Variants in WDPCP observed in about 807,000 individuals in gnomAD.
WDPCP encodes the protein WD repeat containing planar cell polarity effector.
A neutral mutation model predicts 93.1 loss-of-function variants in WDPCP; 71 were observed. The ratio of observed to expected loss-of-function variants is 0.76; its 90% CI spans 0.63 to 0.93. WDPCP has a LOEUF of 0.93. Among genes scored for constraint, WDPCP ranks in the 40% least tolerant of loss-of-function variants. The probability of loss-of-function intolerance (pLI) is 0.00; values close to 1 mark genes in which losing one functional copy is unlikely to be tolerated. For synonymous variants in WDPCP, 315 were observed against 315.0 expected, an observed-to-expected ratio of 1.00 and a Z score of 0.00; for missense variants, 844 against 887.4, an observed-to-expected ratio of 0.95 and a Z score of 0.62.
intron 1 of WDPCP, among the ~76,000 whole-genome samples, chr2:63,816,711 T>C (rs1217759798): frequency 6.6e-6 from 1 of 152,196 alleles, no homozygotes; most frequent in Admixed American, 6.5e-5. Flanking sequence ...TTTGTAGTCA[T>C]TTGTTAAGGC....
At chr2:63,266,027 A>T (rs1682083702) in intron 13 of WDPCP, among the ~76,000 whole-genome samples, 1 of 152,210 alleles carries the variant, frequency 6.6e-6, no homozygotes, top group African/African-American at 2.4e-5. Context: ...AAGGCCATAT[A>T]TGATAAGCCC....
intron 1 of WDPCP, among the ~76,000 whole-genome samples, chr2:63,548,773 G>T (rs1705344665): frequency 6.6e-6 from 1 of 151,704 alleles, no homozygotes; most frequent in Admixed American, 6.6e-5. Context: ...AGGATTACAG[G>T]CATGAGCCAT....
intron 12 of WDPCP, among the ~76,000 whole-genome samples, chr2:63,340,510 T>C (rs1183828726): frequency 6.6e-6 from 1 of 152,220 alleles, no homozygotes; most frequent in Non-Finnish European, 1.5e-5. Context: ...ATGATGCTTC[T>C]TGTGGATTAA....
At chr2:63,721,865 G>C (rs1047713477) in intron 2 of WDPCP, among the ~76,000 whole-genome samples, 5 of 152,216 alleles carry the variant, frequency 3.3e-5, no homozygotes, top group Middle Eastern at 3.4e-3. Flanking sequence ...TCAGCCTGCC[G>C]AGTGCCTGCG....
At position 63,313,306 on chromosome 2, in the gene WDPCP, T is replaced by C. The variant is rs1686322103; in HGVS notation, c.1754A>G (p.Gln585Arg). Reference protein sequence around the residue: ...RRFFHHLLRYQRFEKAFLLAV... With the variant: ...RRFFHHLLRYRRFEKAFLLAV... ...TAGGAGAAATGCCTTTTCAAACCTCTGGTACCTACAAGGCAGAAAAAAATA... is the reference window on the plus strand; with the variant it reads ...TAGGAGAAATGCCTTTTCAAACCTCCGGTACCTACAAGGCAGAAAAAAATA... Residue 585 changes from glutamine (Q) to arginine (R), a missense_variant, in exon 13 of 18, where the codon CAG becomes CGG. Coordinates refer to ENST00000272321, the MANE Select transcript of WDPCP (RefSeq NM_015910.7). 1.9e-6 allele frequency: 3 copies of C among 1,613,476 alleles called. No individual in the cohort carries two copies. The highest frequency in any genetic ancestry group is 2.5e-6 in the Non-Finnish European group (3 of 1,179,566).
At chr2:63,468,428 G>A (rs139754900) in intron 6 of WDPCP, among the ~76,000 whole-genome samples, 2 of 152,148 alleles carry the variant, frequency 1.3e-5, no homozygotes, top group Non-Finnish European at 2.9e-5. Context: ...GCTGTTTACT[G>A]TCTTACCTCC....
At position 63,378,521 on chromosome 2, in the gene WDPCP, A is replaced by C. The variant is rs1014640074; in HGVS notation, c.1625-12T>G. Reference sequence around the variant, plus strand: ...TGTCTCAAGCTGTGCTGTGGAATTCAAACATAGCAGCACTAAAACAAGTGA... The same window carrying C: ...TGTCTCAAGCTGTGCTGTGGAATTCCAACATAGCAGCACTAAAACAAGTGA... On this transcript the variant is annotated splice_polypyrimidine_tract_variant and intron_variant, in intron 11 of 17. Coordinates refer to ENST00000272321, the MANE Select transcript of WDPCP (RefSeq NM_015910.7). 4.3e-6 allele frequency: 7 copies of C among 1,612,980 alleles called. No homozygotes were observed. The South Asian group carries it at 5.5e-5, about 13-fold the overall frequency.
At chr2:63,151,326 G>A (rs1208949339) in intron 17 of WDPCP, among the ~76,000 whole-genome samples, 1 of 152,178 alleles carries the variant, frequency 6.6e-6, no homozygotes, top group Non-Finnish European at 1.5e-5. Context: ...CTGGGCTCAA[G>A]TGATCTTCCC....
intron 14 of WDPCP, among the ~76,000 whole-genome samples, chr2:63,258,316 G>C (rs187396855): frequency 6.6e-6 from 1 of 152,128 alleles, no homozygotes; most frequent in South Asian, 2.1e-4. Flanking sequence ...ATGGGGGAAG[G>C]AGAATGGGAT....
intron 14 of WDPCP, among the ~76,000 whole-genome samples, chr2:63,214,996 A>G (rs1363983663): frequency 6.6e-6 from 1 of 152,222 alleles, no homozygotes; most frequent in Non-Finnish European, 1.5e-5. Flanking sequence ...ATGGAAGAAC[A>G]TTCCATGCTC....
intron 3 of WDPCP, chr2:63,595,642 C>A: frequency 1.5e-6 from 1 of 651,120 alleles, no homozygotes; most frequent in Admixed American, 2.7e-5. Flanking sequence ...TTATTTTGAA[C>A]TACCACTGTT....
At chr2:63,643,722 G>C in intron 3 of WDPCP, 1 of 510,070 alleles carries the variant, frequency 2.0e-6, no homozygotes, top group Non-Finnish European at 4.0e-6. Context: ...GAACAGCAGA[G>C]TGACCCTTGG....
chr2:63,514,544 C>T (rs561018035), intron 1 of WDPCP, among the ~76,000 whole-genome samples: 1 of 152,248 alleles, frequency 6.6e-6, no homozygotes, highest in African/African-American at 2.4e-5. Context: ...TAATTCAGCA[C>T]TTTGGCTTTG....
chr2:63,700,742 C>T (rs777836564), intron 2 of WDPCP, among the ~76,000 whole-genome samples: 26 of 152,104 alleles, frequency 1.7e-4, no homozygotes, highest in Non-Finnish European at 2.9e-4. Flanking sequence ...CTCATTTCAA[C>T]GCAGACACCA....
chr2:63,701,186 G>C (rs1669044203), intron 2 of WDPCP, among the ~76,000 whole-genome samples: 1 of 152,032 alleles, frequency 6.6e-6, no homozygotes, highest in Middle Eastern at 3.2e-3. Context: ...ATTTAAAAAT[G>C]GGCAAAAGAT....
intron 1 of WDPCP, among the ~76,000 whole-genome samples, chr2:63,575,460 T>TGC (rs1707951751): frequency 3.9e-5 from 1 of 25,550 alleles, no homozygotes; most frequent in Non-Finnish European, 5.9e-5. Flanking sequence ...GTATATACAG[T>TGC]ATATATGCAG....
At chr2:63,133,585 C>T (rs1670433497) in intron 17 of WDPCP, among the ~76,000 whole-genome samples, 1 of 152,116 alleles carries the variant, frequency 6.6e-6, no homozygotes, top group African/African-American at 2.4e-5. Context: ...GTGAAGAGTT[C>T]TCACAAGATT....
intron 2 of WDPCP, among the ~76,000 whole-genome samples, chr2:63,754,287 T>C (rs1459810182): frequency 6.6e-6 from 1 of 152,188 alleles, no homozygotes; most frequent in Non-Finnish European, 1.5e-5. Flanking sequence ...ACCTTGGGGA[T>C]AGAAGATTTA....
chr2:63,682,107 C>G (rs1668715661), intron 2 of WDPCP, among the ~76,000 whole-genome samples: 1 of 152,186 alleles, frequency 6.6e-6, no homozygotes, highest in South Asian at 2.1e-4. Context: ...AAACAAATAC[C>G]TAACTCTTCA....
Sources: allele counts gnomAD v4.1 joint callset (sites outside exome capture counted in the v4.1 genomes callset), GRCh38; gene constraint gnomAD v4.1.1; transcripts MANE v1.5; gene names NCBI Gene and HGNC (gene_info 2026-07-23, HGNC 2026-07-21).